The following ZC3H12B variants were observed in gnomAD, a reference collection of about 807,000 sequenced individuals.
The protein encoded by ZC3H12B is zinc finger CCCH-type containing 12B.
ZC3H12B carries 7 observed loss-of-function variants against 43.9 expected under a neutral mutation model. The observed-to-expected ratio is 0.16, with a 90% CI of 0.09 to 0.30. The LOEUF is 0.30. Ranked by LOEUF, ZC3H12B falls within the 10% of genes least tolerant of loss-of-function variation. The pLI, the probability that ZC3H12B is intolerant of heterozygous loss-of-function variation, is 1.00. For missense variants in ZC3H12B, 475 were observed against 670.2 expected (o/e 0.71, Z 3.22); for synonymous variants, 222 against 241.7 (o/e 0.92, Z 0.76).
At chrX:65,500,078 A>C in intron 4 of ZC3H12B, 89 bp downstream of exon 9, 1 of 733,481 alleles carries the variant, frequency 1.4e-6, no homozygotes, top group Non-Finnish European at 2.1e-6. Flanking sequence ...TCCCTTTCAA[A>C]TGGGAAATCC....
the ZC3H12B span, among the ~76,000 whole-genome samples, chrX:65,237,987 G>A: frequency 9.0e-6 from 1 of 111,464 alleles, no homozygotes; most frequent in African/African-American, 3.3e-5. Context: ...GAGGATTTTT[G>A]CATTGATGTT....
the ZC3H12B span, among the ~76,000 whole-genome samples, chrX:65,152,117 C>A: frequency 9.0e-6 from 1 of 111,416 alleles, no homozygotes; most frequent in African/African-American, 3.3e-5. Context: ...AAACCCACAG[C>A]CAATATCATA....
At chrX:65,350,308 T>A in the ZC3H12B span, among the ~76,000 whole-genome samples, 3 of 111,444 alleles carry the variant, frequency 2.7e-5, no homozygotes, top group African/African-American at 9.8e-5. Context: ...GTAAAAACTC[T>A]CAATAAAGTG....
chrX:65,327,802 T>TA, the ZC3H12B span, among the ~76,000 whole-genome samples: 1 of 111,998 alleles, frequency 8.9e-6, no homozygotes, highest in Non-Finnish European at 1.9e-5. Flanking sequence ...TTTGAAATTT[T>TA]AAAAAGGTAA....
chrX:65,452,982 C>T (rs1480227764), intron 3 of ZC3H12B, among the ~76,000 whole-genome samples: 2 of 110,258 alleles, frequency 1.8e-5, no homozygotes, highest in East Asian at 5.7e-4. Context: ...CCATCATTCA[C>T]AGAACTAGAA....
the ZC3H12B span, among the ~76,000 whole-genome samples, chrX:65,351,420 G>A: frequency 8.9e-6 from 1 of 112,123 alleles, no homozygotes; most frequent in Non-Finnish European, 1.9e-5. Context: ...AAGACTTCAT[G>A]TCTAAAACAC....
At position 65,502,197 on chromosome X, in the gene ZC3H12B, TC is replaced by T; in HGVS notation, c.1504del (p.His502ThrfsTer48). ...AGCCCAGTGCCAGGATCCTCCCATT[TC>T]CCCCACCAGAAGGCCTCTTTGGAGC... On this transcript the variant is annotated frameshift_variant, in exon 5 of 5. Coordinates refer to ENST00000338957, the Ensembl canonical transcript of ZC3H12B. LOFTEE classifies it high-confidence loss of function. 8.3e-7 allele frequency: 1 copy of T among 1,209,911 alleles called. No homozygotes were observed. The highest frequency in any genetic ancestry group is 1.1e-6 in the Non-Finnish European group (1 of 894,943).
At chrX:65,172,633 T>G in the ZC3H12B span, among the ~76,000 whole-genome samples, 1 of 112,563 alleles carries the variant, frequency 8.9e-6, no homozygotes, top group Non-Finnish European at 1.9e-5. Flanking sequence ...AGTTTCTGTT[T>G]TCTGCATATG....
the ZC3H12B span, among the ~76,000 whole-genome samples, chrX:65,214,577 A>G: frequency 3.6e-5 from 4 of 111,537 alleles, no homozygotes; most frequent in African/African-American, 1.3e-4. Context: ...TTCAGTCTCC[A>G]CTTCTAATTC....
At chrX:65,066,096 G>A in the ZC3H12B span, among the ~76,000 whole-genome samples, 38 of 108,981 alleles carry the variant, frequency 3.5e-4, no homozygotes, top group African/African-American at 1.2e-3. Context: ...CATGCTCCTC[G>A]CCTTGGAGGA....
At chrX:65,047,801 TAA>T in the ZC3H12B span, among the ~76,000 whole-genome samples, 1 of 110,850 alleles carries the variant, frequency 9.0e-6, no homozygotes, top group East Asian at 2.8e-4. Flanking sequence ...ATAGTTGGGC[TAA>T]GTTTTTTTTT....
the ZC3H12B span, among the ~76,000 whole-genome samples, chrX:65,220,735 A>T: frequency 8.9e-6 from 1 of 112,198 alleles, no homozygotes; most frequent in East Asian, 2.8e-4. Flanking sequence ...TGTGATAGAC[A>T]ACAACAAAAT....
At chrX:65,323,978 C>T in the ZC3H12B span, among the ~76,000 whole-genome samples, 1 of 111,944 alleles carries the variant, frequency 8.9e-6, no homozygotes, top group South Asian at 3.7e-4. Context: ...GTTTCTTGGC[C>T]GCATAGATGT....
the ZC3H12B span, among the ~76,000 whole-genome samples, chrX:65,176,287 G>A: frequency 9.0e-6 from 1 of 111,580 alleles, no homozygotes; most frequent in African/African-American, 3.3e-5. Flanking sequence ...GATCGAACTG[G>A]GTGGAGCACA....
the ZC3H12B span, among the ~76,000 whole-genome samples, chrX:65,265,695 G>C: frequency 8.9e-6 from 1 of 111,780 alleles, no homozygotes; most frequent in Admixed American, 9.5e-5. Context: ...GATATTAAGT[G>C]AGCACATCAT....
chrX:65,399,146 G>A (rs2066735726), intron 3 of ZC3H12B, among the ~76,000 whole-genome samples: 1 of 112,426 alleles, frequency 8.9e-6, no homozygotes, highest in African/African-American at 3.2e-5. Context: ...ACACTATTAA[G>A]TGCTATTTAT....
the ZC3H12B span, among the ~76,000 whole-genome samples, chrX:65,227,696 G>T: frequency 4.5e-5 from 5 of 110,348 alleles, no homozygotes; most frequent in Non-Finnish European, 9.5e-5. Context: ...AATGATAAAG[G>T]GGATATCACC....
chrX:65,427,067 G>T (rs1472624300), intron 3 of ZC3H12B, among the ~76,000 whole-genome samples: 1 of 111,683 alleles, frequency 9.0e-6, no homozygotes, highest in African/African-American at 3.3e-5. Context: ...GGGTGTTAAA[G>T]TCTTCCACTA....
chrX:65,306,713 G>C, the ZC3H12B span, among the ~76,000 whole-genome samples: 1 of 111,738 alleles, frequency 8.9e-6, no homozygotes, highest in Admixed American at 9.5e-5. Context: ...GAAAGCATAG[G>C]TGCATACAGA....
Sources: allele counts gnomAD v4.1 joint callset (sites outside exome capture counted in the v4.1 genomes callset), GRCh38; gene constraint gnomAD v4.1.1; transcripts MANE v1.5; gene names NCBI Gene and HGNC (gene_info 2026-07-23, HGNC 2026-07-21).